Variants in NR2C1 observed in about 807,000 individuals in gnomAD.
The protein encoded by NR2C1 is nuclear receptor subfamily 2 group C member 1.
NR2C1 carries 33 observed loss-of-function variants against 74.8 expected under a neutral mutation model. That is an observed-to-expected ratio of 0.44 (90% CI 0.33 to 0.59). NR2C1 has a LOEUF of 0.59. Among genes scored for constraint, NR2C1 ranks in the 20% least tolerant of loss-of-function variants. The pLI is 0.02. For missense variants in NR2C1, 568 were observed against 715.6 expected (o/e 0.79, Z 2.35); for synonymous variants, 225 against 240.6 (o/e 0.94, Z 0.60).
Position 95,058,625 on chromosome 12 carries a change from G to C in NR2C1, c.365-136C>G, listed in dbSNP as rs903475970. 2.1e-5 allele frequency: 15 copies of C among 702,152 alleles called. No individual in the cohort carries two copies. In the South Asian group the frequency reaches 2.7e-4, roughly 13 times the overall value. 43.5% of individuals were successfully genotyped at this position (702,152 alleles called of 1,614,324 possible). A position where few individuals can be genotyped will look rare whatever the true frequency, so the allele number is the denominator to read the frequency against. ...GCTTCTGACATGAAAAACATTTTTA[G>C]AAGTTATTTTTATTTATCATAACTT... On this transcript the variant is annotated intron_variant, in intron 4 of 13. Transcript: ENST00000333003.
intron 9 of NR2C1, 31 bp from the exon 10 acceptor site, chr12:95,040,628 C>T (rs189332543): frequency 5.8e-6 from 9 of 1,556,450 alleles, no homozygotes; most frequent in African/African-American, 4.1e-5. Flanking sequence ...GGTAAATTAT[C>T]TTATGACTGA....
Position 95,059,904 on chromosome 12 carries a change from A to G in NR2C1, c.364+2T>C. 1 of 1,576,744 alleles carries G rather than the reference A, an allele frequency of 6.3e-7. No individual in the cohort carries two copies. The highest frequency in any genetic ancestry group is 8.6e-7 in the Non-Finnish European group (1 of 1,167,204). ...TTTTTAGGAGGTTATTCTTAATGTT[A>G]CCTGATGCTTTGTCTCCACATACTA... On this transcript the variant is annotated splice_donor_variant, in intron 4 of 13. Coordinates refer to ENST00000333003, the MANE Select transcript of NR2C1 (RefSeq NM_003297.4). LOFTEE classifies it high-confidence loss of function.
At chr12:95,063,166 A>T (rs1875056929) in intron 2 of NR2C1, among the ~76,000 whole-genome samples, 1 of 152,238 alleles carries the variant, frequency 6.6e-6, no homozygotes, top group Non-Finnish European at 1.5e-5. Flanking sequence ...AAACAAGGCA[A>T]GGTGAGACAG....
At chr12:95,057,704 A>G (rs776037866) in intron 6 of NR2C1, 27 bp downstream of exon 6, 5 of 1,612,936 alleles carry the variant, frequency 3.1e-6, no homozygotes, top group Non-Finnish European at 4.2e-6. Context: ...CAAAATGACC[A>G]GCTACTCAGT....
chr12:95,026,289 T>C (rs1869355018), intron 12 of NR2C1, among the ~76,000 whole-genome samples: 1 of 152,002 alleles, frequency 6.6e-6, no homozygotes, highest in African/African-American at 2.4e-5. Context: ...TCAAAAATTC[T>C]ATTTTTAGGT....
chr12:95,055,952 CAAAAA>C (rs3048563), intron 7 of NR2C1, among the ~76,000 whole-genome samples: 10 of 56,512 alleles, frequency 1.8e-4, no homozygotes, highest in African/African-American at 7.5e-4. Context: ...GACTCCGTCT[CAAAAA>C]AAAAAAAAAA....
At chr12:95,055,748 T>C (rs1263503406) in intron 7 of NR2C1, among the ~76,000 whole-genome samples, 1 of 151,234 alleles carries the variant, frequency 6.6e-6, no homozygotes, top group South Asian at 2.1e-4. Context: ...GGTCAGGCGA[T>C]TGAGACCATC....
intron 1 of NR2C1, among the ~76,000 whole-genome samples, chr12:95,072,455 C>CAAAAAA (rs570185714): frequency 2.5e-4 from 15 of 60,258 alleles, no homozygotes; most frequent in East Asian, 1.1e-3. Context: ...CTCTCCCTCT[C>CAAAAAA]AAAAAAAAAA....
chr12:95,063,022 G>A (rs1263002935), intron 2 of NR2C1: 1 of 442,166 alleles, frequency 2.3e-6, no homozygotes, highest in Non-Finnish European at 4.1e-6. Flanking sequence ...TATATTAGCT[G>A]TTCTGCATAC....
intron 8 of NR2C1, among the ~76,000 whole-genome samples, chr12:95,049,993 C>T (rs575815592): frequency 6.6e-6 from 1 of 152,112 alleles, no homozygotes; most frequent in South Asian, 2.1e-4. Context: ...AGAAACTGGG[C>T]CTCACTATGT....
At chr12:95,031,010 T>C in intron 11 of NR2C1, 1 of 751,506 alleles carries the variant, frequency 1.3e-6, no homozygotes, top group East Asian at 2.7e-5. Context: ...GAAAGGTCAT[T>C]TAAAAATTGC....
intron 7 of NR2C1, among the ~76,000 whole-genome samples, chr12:95,054,298 T>C (rs1418700849): frequency 1.4e-5 from 2 of 147,490 alleles, no homozygotes; most frequent in African/African-American, 2.6e-5. Context: ...CCAAAGTCTA[T>C]GCTTTTTTTT....
intron 7 of NR2C1, among the ~76,000 whole-genome samples, chr12:95,055,568 G>A (rs575991309): frequency 2.0e-5 from 3 of 152,226 alleles, no homozygotes; most frequent in South Asian, 4.1e-4. Flanking sequence ...TTTGATTTCC[G>A]AGCCTAAGTA....
intron 2 of NR2C1, among the ~76,000 whole-genome samples, chr12:95,064,114 G>T (rs1375517332): frequency 6.6e-6 from 1 of 150,556 alleles, no homozygotes; most frequent in East Asian, 1.9e-4. Flanking sequence ...CAACTCATGA[G>T]GTCAGGAGAT....
At chr12:95,029,783 T>A (rs1869832360) in intron 11 of NR2C1, among the ~76,000 whole-genome samples, 1 of 152,114 alleles carries the variant, frequency 6.6e-6, no homozygotes, top group Non-Finnish European at 1.5e-5. Flanking sequence ...GGTCTTGAAC[T>A]CCTGACCTCA....
chr12:95,065,017 G>A (rs1339248950), intron 2 of NR2C1, among the ~76,000 whole-genome samples: 2 of 152,176 alleles, frequency 1.3e-5, no homozygotes, highest in Non-Finnish European at 2.9e-5. Flanking sequence ...CTCCTGGGTT[G>A]AAACATTCTG....
At chr12:95,064,987 G>A (rs1204693272) in intron 2 of NR2C1, among the ~76,000 whole-genome samples, 1 of 152,150 alleles carries the variant, frequency 6.6e-6, no homozygotes, top group Non-Finnish European at 1.5e-5. Flanking sequence ...AGAGCATTTG[G>A]CGCATTCATG....
intron 1 of NR2C1, among the ~76,000 whole-genome samples, chr12:95,072,331 G>A (rs1279528013): frequency 6.6e-6 from 1 of 151,250 alleles, no homozygotes; most frequent in African/African-American, 2.4e-5. Flanking sequence ...GCTCGTGTCT[G>A]TAATCCCAGC....
In NR2C1 at chr12:95,053,089, T is replaced by A. The variant is rs1873269302; in HGVS notation, c.784-1146A>T. 5.3e-5 allele frequency among the ~76,000 whole-genome samples: 8 copies of A among 151,930 alleles called. No individual in the cohort carries two copies. In the South Asian group the frequency reaches 1.7e-3, roughly 32 times the overall value. The stretch of plus-strand genomic sequence containing the variant: ...ACCTCCAACTCCTGGGTTCAAGTGA[T>A]CTTCCCACCTCAGCCTCCTGACTAC... On this transcript the variant is annotated intron_variant, in intron 7 of 13. Coordinates refer to ENST00000333003, the MANE Select transcript of NR2C1 (RefSeq NM_003297.4).
Sources: allele counts gnomAD v4.1 joint callset (sites outside exome capture counted in the v4.1 genomes callset), GRCh38; gene constraint gnomAD v4.1.1; transcripts MANE v1.5; gene names NCBI Gene and HGNC (gene_info 2026-07-23, HGNC 2026-07-21).